CALN1: variants seen among roughly 807,000 people sequenced by gnomAD.
The protein encoded by CALN1 is calcium-binding protein 8.
A neutral mutation model predicts 30.6 loss-of-function variants in CALN1; 17 were observed. That is an observed-to-expected ratio of 0.56 (90% CI 0.38 to 0.83). The LOEUF (loss-of-function observed/expected upper bound fraction) is 0.83. Ranked by LOEUF, CALN1 falls within the 40% of genes least tolerant of loss-of-function variation. The pLI is 0.00. For missense variants in CALN1, 291 were observed against 354.9 expected, an observed-to-expected ratio of 0.82 and a Z score of 1.45; for synonymous variants, 156 against 131.4, an observed-to-expected ratio of 1.19 and a Z score of -1.28.
In CALN1 at chr7:72,404,642, C is replaced by A. The variant is rs527519085; in HGVS notation, c.-73-1200G>T. 3.9e-5 allele frequency among the ~76,000 whole-genome samples: 6 copies of A among 152,252 alleles called. No homozygotes were observed. The South Asian group carries it at 1.2e-3, about 32-fold the overall frequency. ...ACTACTTGGCCCCTGAACATTGTAT[C>A]CTGGGAAGAGTCCCTCTGCCCTCTT... On this transcript the variant is annotated intron_variant, in intron 1 of 6. Transcript: ENST00000395275.
the CALN1 span, among the ~76,000 whole-genome samples, chr7:72,486,937 C>G: frequency 6.6e-6 from 1 of 152,080 alleles, no homozygotes; most frequent in Non-Finnish European, 1.5e-5. Flanking sequence ...TATTTTGCTT[C>G]CATACAAAAT....
intron 5 of CALN1, among the ~76,000 whole-genome samples, chr7:71,846,314 A>T (rs898776508): frequency 2.0e-5 from 3 of 152,174 alleles, no homozygotes; most frequent in African/African-American, 7.2e-5. Flanking sequence ...AGAGATCAGC[A>T]GAGACTTGGG....
chr7:71,787,714 C>A lies in CALN1; in HGVS notation c.*61G>T. On this transcript the variant is annotated 3_prime_UTR_variant, in exon 7 of 7. Transcript: ENST00000395275. Reference sequence around the variant, plus strand: ...CGTGTCTGCTGTGTGGAGGAAGAGTCTGCCCGCACGGCATGCACATGCGCG... The same window carrying A: ...CGTGTCTGCTGTGTGGAGGAAGAGTATGCCCGCACGGCATGCACATGCGCG... The A allele has an allele frequency of 6.3e-7, 1 of 1,596,530 alleles. No individual in the cohort carries two copies. Among genetic ancestry groups the A allele is most frequent in the Non-Finnish European group, 8.5e-7 (1 of 1,171,822 alleles).
chr7:72,465,287 C>T, the CALN1 span, among the ~76,000 whole-genome samples: 1 of 150,862 alleles, frequency 6.6e-6, no homozygotes, highest in Non-Finnish European at 1.5e-5. Context: ...CATCATGCAC[C>T]TCCCATACAT....
At chr7:72,168,802 ATTATT>A (rs1298560959) in intron 3 of CALN1, among the ~76,000 whole-genome samples, 235 of 114,428 alleles carry the variant, frequency 2.1e-3, no homozygotes, top group African/African-American at 8.1e-3. Flanking sequence ...TATTATTATT[ATTATT>A]TTTTTTTTTT....
chr7:71,836,781 C>G (rs1391235810), intron 5 of CALN1, among the ~76,000 whole-genome samples: 2 of 151,816 alleles, frequency 1.3e-5, no homozygotes, highest in Non-Finnish European at 2.9e-5. Context: ...CCACGTCCAG[C>G]TAATTTTTGT....
At chr7:72,084,707 A>T (rs915740963) in intron 4 of CALN1, among the ~76,000 whole-genome samples, 1 of 152,078 alleles carries the variant, frequency 6.6e-6, no homozygotes, top group African/African-American at 2.4e-5. Context: ...AACATGAAAG[A>T]AAAAAGTGAT....
At chr7:72,383,400 T>G (rs926554178) in intron 2 of CALN1, among the ~76,000 whole-genome samples, 1 of 152,172 alleles carries the variant, frequency 6.6e-6, no homozygotes, top group South Asian at 2.1e-4. Context: ...AGCGTTCCCT[T>G]TTCTCTGCAG....
intron 3 of CALN1, among the ~76,000 whole-genome samples, chr7:72,191,449 A>T (rs980198998): frequency 5.3e-5 from 8 of 151,816 alleles, no homozygotes; most frequent in African/African-American, 1.7e-4. Flanking sequence ...TAAAAATACA[A>T]AAATTAGCTG....
chr7:72,377,830 G>C (rs1031794565), intron 2 of CALN1, among the ~76,000 whole-genome samples: 1 of 152,066 alleles, frequency 6.6e-6, no homozygotes, highest in African/African-American at 2.4e-5. Context: ...CTTTCTACCT[G>C]CGTAGAAGCT....
chr7:72,205,566 A>ATATATATATACACATATATATATATACG (rs1169550933), intron 3 of CALN1, among the ~76,000 whole-genome samples: 38 of 115,486 alleles, frequency 3.3e-4, no homozygotes, highest in African/African-American at 1.2e-3. Flanking sequence ...ATATATATAT[A>ATATATATATACACATATATATATATACG]TGTATATATA....
At chr7:72,478,736 C>T in the CALN1 span, among the ~76,000 whole-genome samples, 1 of 151,834 alleles carries the variant, frequency 6.6e-6, no homozygotes, top group Non-Finnish European at 1.5e-5. Context: ...CATAAATAAC[C>T]GGGTACCCAA....
chr7:72,128,331 G>A (rs1425087381), intron 3 of CALN1, among the ~76,000 whole-genome samples: 3 of 152,006 alleles, frequency 2.0e-5, no homozygotes, highest in Non-Finnish European at 4.4e-5. Context: ...TTCAAATAAT[G>A]GGGAAAGATG....
intron 1 of CALN1, among the ~76,000 whole-genome samples, chr7:72,417,875 G>C (rs1207120704): frequency 2.6e-5 from 4 of 152,110 alleles, no homozygotes; most frequent in Non-Finnish European, 5.9e-5. Flanking sequence ...GGGAATCACT[G>C]GGTCTCTAAG....
chr7:71,934,219 T>C (rs757384715), intron 5 of CALN1, among the ~76,000 whole-genome samples: 5 of 152,230 alleles, frequency 3.3e-5, no homozygotes, highest in Non-Finnish European at 7.3e-5. Context: ...AAAGATAATA[T>C]TCAATGAGAA....
chr7:72,362,675 G>C (rs1585582328), intron 2 of CALN1, among the ~76,000 whole-genome samples: 1 of 152,074 alleles, frequency 6.6e-6, no homozygotes. Flanking sequence ...TGTCCTGCCT[G>C]TGTGCCCAGT....
intron 4 of CALN1, among the ~76,000 whole-genome samples, chr7:72,086,981 A>G (rs1477184266): frequency 6.6e-6 from 1 of 152,146 alleles, no homozygotes; most frequent in Non-Finnish European, 1.5e-5. Flanking sequence ...TAGACGTCAA[A>G]AAGTTACTCA....
At position 71,784,369 on chromosome 7, in the gene CALN1, C is replaced by T. The variant is rs1792874447; in HGVS notation, c.*3406G>A. On this transcript the variant is annotated 3_prime_UTR_variant, in exon 7 of 7. Transcript: ENST00000395275. ...GGAGTGTTCTTTAAGAAAATGTTCC[C>T]TATTTTTGTGTGCCTTGGCAAACTC... is the stretch of plus-strand genomic sequence containing the variant. The T allele has an allele frequency of 6.5e-6, 1 of 154,466 alleles. No homozygotes were observed. Among genetic ancestry groups the T allele is most frequent in the Non-Finnish European group, 1.4e-5 (1 of 69,684 alleles). 9.6% of individuals were successfully genotyped at this position (154,466 alleles called of 1,614,324 possible). A position where few individuals can be genotyped will look rare whatever the true frequency, so the allele number is the denominator to read the frequency against.
intron 3 of CALN1, among the ~76,000 whole-genome samples, chr7:72,134,470 A>G (rs1809369554): frequency 6.6e-6 from 1 of 152,222 alleles, no homozygotes; most frequent in Non-Finnish European, 1.5e-5. Flanking sequence ...GGACTACTAC[A>G]ATAAAGCAAG....
Sources: gnomAD v4.1 joint callset for allele counts (sites outside exome capture counted in the v4.1 genomes callset) on GRCh38, gnomAD v4.1.1 for gene constraint, MANE v1.5 for transcripts, NCBI Gene and HGNC (gene_info 2026-07-23, HGNC 2026-07-21) for gene names.